LRMDA: variants seen among roughly 807,000 people sequenced by gnomAD.
LRMDA encodes leucine-rich melanocyte differentiation-associated protein.
Under a neutral mutation model 29.8 loss-of-function variants are expected in LRMDA, and 18 were observed. That is an observed-to-expected ratio of 0.60 (90% confidence interval 0.42 to 0.90). The LOEUF is 0.90. Ranked by LOEUF, LRMDA falls within the 40% of genes least tolerant of loss-of-function variation. The pLI is 0.00. For synonymous variants in LRMDA, 125 were observed against 109.4 expected (o/e 1.14, Z -0.89); for missense variants, 273 against 273.9 (o/e 1.00, Z 0.02).
chr10:76,245,439 A>G (rs1453245497), intron 5 of LRMDA, among the ~76,000 whole-genome samples: 1 of 152,104 alleles, frequency 6.6e-6, no homozygotes, highest in African/African-American at 2.4e-5. Context: ...TGTTATGTTG[A>G]GGTCAGCTTC....
At chr10:76,420,095 T>C (rs1842057217) in intron 6 of LRMDA, among the ~76,000 whole-genome samples, 1 of 152,008 alleles carries the variant, frequency 6.6e-6, no homozygotes, top group African/African-American at 2.4e-5. Flanking sequence ...AGGAATTTTC[T>C]TGTTTTTTCT....
At chr10:75,471,542 C>G (rs1165313482) in intron 2 of LRMDA, among the ~76,000 whole-genome samples, 1 of 152,210 alleles carries the variant, frequency 6.6e-6, no homozygotes, top group African/African-American at 2.4e-5. Context: ...TGGGTTCTGT[C>G]TGTTCCGAGC....
At chr10:75,817,035 C>T (rs951448559) in intron 2 of LRMDA, among the ~76,000 whole-genome samples, 17 of 152,174 alleles carry the variant, frequency 1.1e-4, no homozygotes, top group African/African-American at 2.7e-4. Flanking sequence ...ATTTGATCCA[C>T]GTTGCATGGT....
chr10:76,521,300 A>AT (rs983131483), intron 6 of LRMDA, among the ~76,000 whole-genome samples: 54 of 151,796 alleles, frequency 3.6e-4, no homozygotes, highest in Non-Finnish European at 6.6e-4. Flanking sequence ...CGCCCGGCTA[A>AT]TTTTTTTGTA....
chr10:75,954,920 T>C (rs915320955), intron 2 of LRMDA, among the ~76,000 whole-genome samples: 4 of 152,316 alleles, frequency 2.6e-5, no homozygotes, highest in African/African-American at 9.6e-5. Context: ...CTATGTATAT[T>C]TTTATGAATG....
chr10:76,492,775 G>A (rs1842846360), intron 6 of LRMDA, among the ~76,000 whole-genome samples: 1 of 152,036 alleles, frequency 6.6e-6, no homozygotes, highest in African/African-American at 2.4e-5. Context: ...AATGAGTGCT[G>A]ACGAAGAAGG....
chr10:75,434,387 A>G (rs1260853683), intron 1 of LRMDA, among the ~76,000 whole-genome samples: 2 of 152,194 alleles, frequency 1.3e-5, no homozygotes, highest in African/African-American at 4.8e-5. Context: ...CAAGCACATG[A>G]TAGGCATTTA....
chr10:76,323,500 A>T (rs1589427423), intron 5 of LRMDA, among the ~76,000 whole-genome samples: 3 of 147,546 alleles, frequency 2.0e-5, no homozygotes, highest in Non-Finnish European at 4.5e-5. Context: ...TTGGGATATT[A>T]AAAAAAAAAG....
At chr10:75,947,933 G>T (rs551971134) in intron 2 of LRMDA, among the ~76,000 whole-genome samples, 1 of 152,158 alleles carries the variant, frequency 6.6e-6, no homozygotes, top group African/African-American at 2.4e-5. Flanking sequence ...CGTCCTCACA[G>T]GGAGACTGTA....
chr10:75,959,902 T>G (rs560800446), intron 2 of LRMDA, among the ~76,000 whole-genome samples: 3 of 152,352 alleles, frequency 2.0e-5, no homozygotes, highest in African/African-American at 7.2e-5. Flanking sequence ...ATGTTACTTA[T>G]AAGCTGTGGC....
rs1374900247 is a variant in LRMDA, at chr10:76,424,289, C to CA, written c.601+99805dup. 1.3e-4 allele frequency among the ~76,000 whole-genome samples: 20 copies of CA among 152,174 alleles called. 1 individual carries two copies. In the East Asian group the frequency reaches 3.9e-3, roughly 29 times the overall value. Reference sequence around the variant, plus strand: ...TTACTTACATGATTGACCTGCGTAACAGTTTAAAACAGGTAGGACCACGAG... The same window carrying CA: ...TTACTTACATGATTGACCTGCGTAACAAGTTTAAAACAGGTAGGACCACGAG... On this transcript the variant is annotated intron_variant, in intron 6 of 6. Coordinates refer to ENST00000611255, the MANE Select transcript of LRMDA (RefSeq NM_001305581.2).
chr10:75,786,678 T>A (rs1330388306), intron 2 of LRMDA, among the ~76,000 whole-genome samples: 2 of 152,206 alleles, frequency 1.3e-5, no homozygotes, highest in Non-Finnish European at 2.9e-5. Context: ...ATTTTGTTTT[T>A]CTTCTCTGAA....
At chr10:76,398,998 T>C (rs1019112433) in intron 6 of LRMDA, among the ~76,000 whole-genome samples, 1 of 152,198 alleles carries the variant, frequency 6.6e-6, no homozygotes, top group Admixed American at 6.5e-5. Flanking sequence ...CATGAAAATC[T>C]AGGAGAATGC....
chr10:76,263,282 A>G (rs540541112), intron 5 of LRMDA, among the ~76,000 whole-genome samples: 10 of 131,942 alleles, frequency 7.6e-5, no homozygotes, highest in African/African-American at 4.2e-4. Flanking sequence ...TTTTTTTTTT[A>G]AAAAAAGATC....
At chr10:75,963,833 TC>T (rs1846810605) in intron 2 of LRMDA, among the ~76,000 whole-genome samples, 1 of 152,218 alleles carries the variant, frequency 6.6e-6, no homozygotes, top group Non-Finnish European at 1.5e-5. Flanking sequence ...GAAATTTTTG[TC>T]CAGTTCAGAT....
At chr10:75,965,038 T>A (rs1437166029) in intron 2 of LRMDA, among the ~76,000 whole-genome samples, 3 of 152,208 alleles carry the variant, frequency 2.0e-5, no homozygotes, top group Non-Finnish European at 4.4e-5. Flanking sequence ...AGTGCTGGGA[T>A]TACAGGTGTG....
intron 5 of LRMDA, among the ~76,000 whole-genome samples, chr10:76,259,045 T>C (rs1161535386): frequency 6.6e-6 from 1 of 152,160 alleles, no homozygotes; most frequent in Non-Finnish European, 1.5e-5. Flanking sequence ...CTCGATACTG[T>C]TCTCCATAGT....
chr10:76,410,491 T>C (rs1841948789), intron 6 of LRMDA, among the ~76,000 whole-genome samples: 1 of 151,720 alleles, frequency 6.6e-6, no homozygotes, highest in Admixed American at 6.6e-5. Flanking sequence ...AAATTTTTTG[T>C]AGAGACAGAG....
At chr10:76,450,459 C>T (rs1490388531) in intron 6 of LRMDA, among the ~76,000 whole-genome samples, 2 of 152,052 alleles carry the variant, frequency 1.3e-5, no homozygotes, top group African/African-American at 4.8e-5. Context: ...TCTCACTAAG[C>T]CATTTTATTT....
Sources: allele counts gnomAD v4.1 joint callset (sites outside exome capture counted in the v4.1 genomes callset), GRCh38; gene constraint gnomAD v4.1.1; transcripts MANE v1.5; gene names NCBI Gene and HGNC (gene_info 2026-07-23, HGNC 2026-07-21).